Variants in AKAIN1 observed in about 807,000 individuals in gnomAD.
AKAIN1 encodes the protein A-kinase anchor protein inhibitor 1.
AKAIN1 carries 3 observed loss-of-function variants against 3.7 expected under a neutral mutation model. The ratio of observed to expected loss-of-function variants is 0.82; its 90% confidence interval spans 0.37 to 2.12. AKAIN1 has a LOEUF of 2.12. AKAIN1 is among the 30% of genes most tolerant of loss of function. The pLI is 0.06. For synonymous variants in AKAIN1, 31 were observed against 30.8 expected, an observed-to-expected ratio of 1.01 and a Z score of -0.02; for missense variants, 82 against 82.7, an observed-to-expected ratio of 0.99 and a Z score of 0.03.
At chr18:5,180,402 G>C (rs1477238153) in intron 1 of AKAIN1, among the ~76,000 whole-genome samples, 1 of 126,362 alleles carries the variant, frequency 7.9e-6, no homozygotes, top group African/African-American at 2.5e-5. Flanking sequence ...TTCATGGGGA[G>C]AGACCTGCCC....
intron 1 of AKAIN1, among the ~76,000 whole-genome samples, chr18:5,153,268 AC>A (rs2071089142): frequency 6.6e-6 from 1 of 152,244 alleles, no homozygotes; most frequent in Admixed American, 6.5e-5. Context: ...AGACAATTTT[AC>A]TCTAGGAATC....
Position 5,145,602 on chromosome 18 carries a change from A to T in AKAIN1, c.170T>A (p.Leu57Gln). Residue 57 changes from leucine (L) to glutamine (Q), a missense_variant, in exon 2 of 2, where the codon CTG (leucine) becomes CAG (glutamine). Transcript: ENST00000434239. ...RISDNRDHIQLGVGELTKKHE... is the reference protein window; with the variant it reads ...RISDNRDHIQQGVGELTKKHE... ...CTTCTTGGTTAACTCCCCAACGCCC[A>T]GTTGGATGTGGTCCCGGTTGTCACT... 2 of 1,551,622 alleles carry T rather than the reference A, an allele frequency of 1.3e-6. No homozygotes were observed. Among genetic ancestry groups the T allele is most frequent in the Non-Finnish European group, 1.7e-6 (2 of 1,146,938 alleles).
At chr18:5,196,542 G>A (rs1035099379) in intron 1 of AKAIN1, among the ~76,000 whole-genome samples, 1 of 152,242 alleles carries the variant, frequency 6.6e-6, no homozygotes, top group Non-Finnish European at 1.5e-5. Flanking sequence ...TCGCTCCTCT[G>A]CCCTTCGTCC....
chr18:5,151,101 C>G (rs1263385465), intron 1 of AKAIN1, among the ~76,000 whole-genome samples: 1 of 152,088 alleles, frequency 6.6e-6, no homozygotes, highest in East Asian at 1.9e-4. Flanking sequence ...AAGTCCCTCC[C>G]AGGGCAAGAC....
At chr18:5,193,080 T>G (rs2071330809) in intron 1 of AKAIN1, among the ~76,000 whole-genome samples, 1 of 152,192 alleles carries the variant, frequency 6.6e-6, no homozygotes, top group Non-Finnish European at 1.5e-5. Context: ...TGTCAGGAAT[T>G]TGTTAAGAGG....
At chr18:5,197,645 T>A, upstream of AKAIN1, 1 of 413,558 alleles carries the variant, frequency 2.4e-6, no homozygotes, top group Non-Finnish European at 4.1e-6. The surrounding 1 kb of genome is among the most constrained non-coding windows in gnomAD (Gnocchi z 6.9). Flanking sequence ...CGAGTCCCAG[T>A]CCTCTGCTAA....
chr18:5,179,127 G>A lies in AKAIN1; in HGVS notation c.16+17911C>T, dbSNP rs140359112. Among the ~76,000 whole-genome samples, 907 of 152,154 alleles carry A rather than the reference G, an allele frequency of 6.0e-3. 2 individuals carry two copies. The highest frequency in any genetic ancestry group is 0.01 in the Non-Finnish European group (689 of 67,978). On this transcript the variant is annotated intron_variant, in intron 1 of 1. Coordinates refer to ENST00000434239, the MANE Select transcript of AKAIN1 (RefSeq NM_001145194.2). ...ATATATTGATTAGTGGTGAAGTTTG[G>A]GCTTTTTGTGTAGCCATCACCTGAA...
rs78927002 is a variant in AKAIN1 at position 5,174,315 on chromosome 18, C to G, written c.16+22723G>C. 3.5e-3 allele frequency among the ~76,000 whole-genome samples: 533 copies of G among 152,216 alleles called. 3 individuals are homozygous for G. Among genetic ancestry groups the G allele is most frequent in the African/African-American group, 0.012 (498 of 41,560 alleles). ...TACTGCCTATAGGGACTGTGAGGACCACTCAGCTAGGAGCAGTCAAGGTCC... is the reference window on the plus strand; with the variant it reads ...TACTGCCTATAGGGACTGTGAGGACGACTCAGCTAGGAGCAGTCAAGGTCC... On this transcript the variant is annotated intron_variant, in intron 1 of 1. Transcript: ENST00000434239.
chr18:5,153,949 A>G (rs892719880), intron 1 of AKAIN1, among the ~76,000 whole-genome samples: 1 of 152,160 alleles, frequency 6.6e-6, no homozygotes, highest in Admixed American at 6.6e-5. Context: ...TAGTTTTGCT[A>G]TGAACTTAAA....
intron 1 of AKAIN1, among the ~76,000 whole-genome samples, chr18:5,178,215 T>C (rs1296650315): frequency 6.6e-6 from 1 of 152,142 alleles, no homozygotes; most frequent in Non-Finnish European, 1.5e-5. Context: ...TGCATGGTTT[T>C]GTGCATGCTA....
chr18:5,147,537 A>T (rs1267772621), intron 1 of AKAIN1, among the ~76,000 whole-genome samples: 8 of 152,218 alleles, frequency 5.3e-5, no homozygotes, highest in Non-Finnish European at 1.5e-5. Flanking sequence ...TACCATGAAG[A>T]TGTATTTAAG....
At chr18:5,151,908 AT>A (rs2071082004) in intron 1 of AKAIN1, among the ~76,000 whole-genome samples, 1 of 152,206 alleles carries the variant, frequency 6.6e-6, no homozygotes, top group Non-Finnish European at 1.5e-5. Flanking sequence ...CACTTACTAC[AT>A]GACAAACACT....
rs78279645 is a variant in AKAIN1, at chr18:5,169,318, T to C, written c.17-23563A>G. Among the ~76,000 whole-genome samples the C allele has an allele frequency of 3.3e-3, 502 of 152,194 alleles. 1 individual carries two copies. Among genetic ancestry groups the C allele is most frequent in the African/African-American group, 0.012 (483 of 41,534 alleles). ...TTTAAAAATATCCTACTGCAACATC[T>C]AGACAGGTGTTTGGCCAATCAACTG... On this transcript the variant is annotated intron_variant, in intron 1 of 1. Transcript: ENST00000434239.
chr18:5,176,466 C>A (rs1244789494), intron 1 of AKAIN1, among the ~76,000 whole-genome samples: 3 of 150,984 alleles, frequency 2.0e-5, no homozygotes, highest in East Asian at 2.0e-4. Flanking sequence ...ACAAAAAAAA[C>A]AAACTGGTAA....
intron 1 of AKAIN1, among the ~76,000 whole-genome samples, chr18:5,189,659 C>T (rs2071307880): frequency 6.6e-6 from 1 of 152,124 alleles, no homozygotes; most frequent in South Asian, 2.1e-4. Flanking sequence ...TCATTTTCAT[C>T]TGAGGCCTTA....
At position 5,192,436 on chromosome 18, in the gene AKAIN1, TCTTTCTTTCTTTTTCTTTTC is replaced by T. The variant is rs1567881040; in HGVS notation, c.16+4582_16+4601del. ...TTCTTTCTTTCTTTCTTTCTTTCTT[TCTTTCTTTCTTTTTCTTTTC>T]TTTGGTAGAGACAAGGACTATGTTC... On this transcript the variant is annotated intron_variant, in intron 1 of 1. Coordinates refer to ENST00000434239, the MANE Select transcript of AKAIN1 (RefSeq NM_001145194.2). Among the ~76,000 whole-genome samples, 278 of 112,412 alleles carry T rather than the reference TCTTTCTTTCTTTTTCTTTTC, an allele frequency of 2.5e-3. 3 individuals are homozygous for T. The highest frequency in any genetic ancestry group is 3.9e-3 in the Non-Finnish European group (202 of 51,978). The allele number at this position is 112,412 out of a possible 152,430, so 73.7% of individuals were successfully genotyped here.
At chr18:5,154,922 A>C (rs62082384) in intron 1 of AKAIN1, among the ~76,000 whole-genome samples, 1 of 152,088 alleles carries the variant, frequency 6.6e-6, no homozygotes, top group Non-Finnish European at 1.5e-5. Flanking sequence ...ACTAGCTGGG[A>C]CTACAGGCGC....
At chr18:5,187,926 C>A (rs1451702161) in intron 1 of AKAIN1, among the ~76,000 whole-genome samples, 1 of 151,974 alleles carries the variant, frequency 6.6e-6, no homozygotes, top group East Asian at 1.9e-4. Context: ...TAGCTGTGAA[C>A]CTGTGAAATC....
At chr18:5,194,239 C>T (rs2071336314) in intron 1 of AKAIN1, among the ~76,000 whole-genome samples, 1 of 151,836 alleles carries the variant, frequency 6.6e-6, no homozygotes, top group Non-Finnish European at 1.5e-5. Flanking sequence ...GTAGTCATGC[C>T]CCTTACCTTC....
Sources: gnomAD v4.1 joint callset for allele counts (sites outside exome capture counted in the v4.1 genomes callset) on GRCh38, gnomAD v4.1.1 for gene constraint, Gnocchi (gnomAD v3.1) non-coding constraint, MANE v1.5 for transcripts, NCBI Gene and HGNC (gene_info 2026-07-23, HGNC 2026-07-21) for gene names.